TMEM217: variants seen among roughly 807,000 people sequenced by gnomAD.
TMEM217 encodes transmembrane protein 217.
For synonymous variants in TMEM217, 76 were observed against 88.3 expected (o/e 0.86, Z 0.78); for missense variants, 204 against 248.8 (o/e 0.82, Z 1.21).
At chr6:37,255,413 G>A (rs1410027984) in intron 1 of TMEM217, among the ~76,000 whole-genome samples, 5 of 152,126 alleles carry the variant, frequency 3.3e-5, no homozygotes, top group Non-Finnish European at 7.3e-5. Flanking sequence ...AGGGTGCGAT[G>A]GCTCCCACCT....
At chr6:37,250,979 G>A (rs1234926811) in intron 1 of TMEM217, among the ~76,000 whole-genome samples, 1 of 152,182 alleles carries the variant, frequency 6.6e-6, no homozygotes, top group African/African-American at 2.4e-5. Flanking sequence ...GATGAAGGTA[G>A]ATTACTGCCC....
intron 1 of TMEM217, among the ~76,000 whole-genome samples, chr6:37,229,022 C>CAAT (rs921947738): frequency 2.4e-3 from 366 of 151,372 alleles, no homozygotes; most frequent in African/African-American, 7.5e-3. Context: ...AACAAAATAA[C>CAAT]AATAATAATA....
At chr6:37,244,335 G>A (rs1312602246) in intron 1 of TMEM217, among the ~76,000 whole-genome samples, 1 of 152,192 alleles carries the variant, frequency 6.6e-6, no homozygotes, top group African/African-American at 2.4e-5. Context: ...TTTCACCAGA[G>A]GCTGAAACCC....
At chr6:37,220,591 TTTTAAC>T (rs1412371834) in intron 1 of TMEM217, among the ~76,000 whole-genome samples, 2 of 152,202 alleles carry the variant, frequency 1.3e-5, no homozygotes, top group African/African-American at 2.4e-5. Context: ...GAAGTATTTT[TTTTAAC>T]TTTAAGTTAT....
At chr6:37,223,990 G>C (rs1442469552) in intron 1 of TMEM217, among the ~76,000 whole-genome samples, 1 of 147,448 alleles carries the variant, frequency 6.8e-6, no homozygotes, top group Non-Finnish European at 1.5e-5. Context: ...AGGCTGGAAT[G>C]CAGTGGCACG....
intron 1 of TMEM217, among the ~76,000 whole-genome samples, chr6:37,221,829 C>T (rs1016946961): frequency 6.6e-6 from 1 of 152,174 alleles, no homozygotes; most frequent in African/African-American, 2.4e-5. Context: ...AAAGGAGACT[C>T]GCAGTGGGTA....
At chr6:37,258,128 G>A, upstream of TMEM217, 1 of 831,408 alleles carries the variant, frequency 1.2e-6, no homozygotes, top group Non-Finnish European at 1.8e-6. Flanking sequence ...GTCAGGCAGC[G>A]AAGCGAACAG....
chr6:37,215,164 G>C, downstream of TMEM217: 1 of 1,606,062 alleles, frequency 6.2e-7, no homozygotes, highest in Non-Finnish European at 8.5e-7. Flanking sequence ...GCTAGCCAAG[G>C]TCCTCTGGTA....
intron 1 of TMEM217, among the ~76,000 whole-genome samples, chr6:37,253,823 C>T (rs1765580107): frequency 6.6e-6 from 1 of 152,202 alleles, no homozygotes; most frequent in Non-Finnish European, 1.5e-5. Context: ...TCAGGCCTTT[C>T]TCTTTCCTTT....
chr6:37,214,718 A>T (rs970067362), downstream of TMEM217, among the ~76,000 whole-genome samples: 2 of 152,212 alleles, frequency 1.3e-5, no homozygotes, highest in East Asian at 1.9e-4. Flanking sequence ...TTCACTTAGC[A>T]TAATGTTTTC....
chr6:37,250,691 G>A (rs533252371), intron 1 of TMEM217, among the ~76,000 whole-genome samples: 43 of 152,346 alleles, frequency 2.8e-4, no homozygotes, highest in African/African-American at 8.9e-4. Flanking sequence ...TCTCTCAGGC[G>A]TGCGTGTGCA....
chr6:37,237,358 G>A (rs920997865), intron 1 of TMEM217, among the ~76,000 whole-genome samples: 3 of 152,058 alleles, frequency 2.0e-5, no homozygotes, highest in Non-Finnish European at 4.4e-5. Flanking sequence ...GAAATGAAGG[G>A]CTCTCTGTGT....
At chr6:37,257,884 G>A (rs1241246481) in exon 1 of TMEM217, 23 of 1,609,794 alleles carry the variant, frequency 1.4e-5, no homozygotes, top group Non-Finnish European at 1.9e-5. Context: ...GCAAACCCTT[G>A]GCCCGCCTAC....
At chr6:37,215,121 C>A, downstream of TMEM217, 1 of 1,575,722 alleles carries the variant, frequency 6.3e-7, no homozygotes, top group South Asian at 1.2e-5. Context: ...TCTCTTGGGT[C>A]ACTATAATAA....
At chr6:37,239,581 C>T (rs1038533737) in intron 1 of TMEM217, among the ~76,000 whole-genome samples, 1 of 151,828 alleles carries the variant, frequency 6.6e-6, no homozygotes, top group African/African-American at 2.4e-5. Context: ...TCAGTGGTAC[C>T]TAAGATAATG....
At chr6:37,229,664 A>G (rs1764085128) in intron 1 of TMEM217, among the ~76,000 whole-genome samples, 1 of 152,172 alleles carries the variant, frequency 6.6e-6, no homozygotes, top group African/African-American at 2.4e-5. Context: ...CAGTTTTACT[A>G]GTAACTTCGT....
chr6:37,218,525 A>G (rs755110068), exon 2 of TMEM217: 1 of 1,614,104 alleles, frequency 6.2e-7, no homozygotes, highest in Non-Finnish European at 8.5e-7. Context: ...CGCTGTAGAA[A>G]TTCGTCTCTT....
downstream of TMEM217, chr6:37,215,103 G>C (rs142691770): frequency 6.6e-7 from 1 of 1,519,112 alleles, no homozygotes; most frequent in African/African-American, 1.4e-5. Context: ...CTCCACCCTC[G>C]GCACCTCTCT....
At chr6:37,249,450 G>A (rs1765276447) in intron 1 of TMEM217, among the ~76,000 whole-genome samples, 1 of 152,072 alleles carries the variant, frequency 6.6e-6, no homozygotes. Context: ...CTCCCAAGTA[G>A]CTGGGACTAT....
Sources: allele counts gnomAD v4.1 joint callset (sites outside exome capture counted in the v4.1 genomes callset), GRCh38; gene constraint gnomAD v4.1.1; transcripts MANE v1.5; gene names NCBI Gene and HGNC (gene_info 2026-07-23, HGNC 2026-07-21).